Variants in ATF7IP2 observed in about 807,000 individuals in gnomAD.
ATF7IP2 encodes the protein activating transcription factor 7 interacting protein 2.
ATF7IP2 carries 42 observed loss-of-function variants against 64.2 expected under a neutral mutation model. That is an observed-to-expected ratio of 0.65 (90% CI 0.51 to 0.85). ATF7IP2 has a LOEUF of 0.85. ATF7IP2 is among the 40% of genes least tolerant of loss of function. The pLI, the probability that ATF7IP2 is intolerant of heterozygous loss-of-function variation, is 0.00. For missense variants in ATF7IP2, 933 were observed against 784.2 expected (o/e 1.19, Z -2.27); for synonymous variants, 308 against 272.8 (o/e 1.13, Z -1.27).
intron 1 of ATF7IP2, among the ~76,000 whole-genome samples, chr16:10,394,875 G>C (rs2047393847): frequency 6.6e-6 from 1 of 152,014 alleles, no homozygotes; most frequent in Non-Finnish European, 1.5e-5. Context: ...AATTTATAGT[G>C]ATAAATGCTA....
In ATF7IP2 at chr16:10,419,576, C is replaced by A; in HGVS notation, c.-202-5C>A. The A allele has an allele frequency of 6.5e-6, 1 of 153,366 alleles. No individual in the cohort carries two copies. Among genetic ancestry groups the A allele is most frequent in the Non-Finnish European group, 1.5e-5 (1 of 68,398 alleles). The allele number at this position is 153,366 out of a possible 1,614,324, so 9.5% of individuals were successfully genotyped here. ...CATTGTGATTGGTTGTTCCGCTTTC[C>A]TCAGGTTTTCTTCCGCCGTCTGTGA... On this transcript the variant is annotated splice_polypyrimidine_tract_variant and splice_region_variant and intron_variant, in intron 2 of 13. Transcript: ENST00000562102.
chr16:10,450,039 A>G (rs959605169), intron 8 of ATF7IP2, among the ~76,000 whole-genome samples: 1 of 152,182 alleles, frequency 6.6e-6, no homozygotes, highest in Non-Finnish European at 1.5e-5. Context: ...CATTGGTTTC[A>G]AAGAACATCT....
intron 7 of ATF7IP2, among the ~76,000 whole-genome samples, chr16:10,439,436 G>C (rs2048535164): frequency 6.6e-6 from 1 of 150,632 alleles, no homozygotes; most frequent in South Asian, 2.1e-4. Flanking sequence ...GGGTTTCACT[G>C]TATTAGCGTT....
intron 8 of ATF7IP2, chr16:10,445,965 A>G (rs924826012): frequency 6.6e-6 from 1 of 152,364 alleles, no homozygotes; most frequent in Non-Finnish European, 1.5e-5. Context: ...TGGTTCTGCA[A>G]GTGCTTTAGG....
intron 8 of ATF7IP2, chr16:10,446,949 A>C (rs1158053349): frequency 6.7e-6 from 1 of 148,486 alleles, no homozygotes; most frequent in East Asian, 2.0e-4. Flanking sequence ...CCCCCCAACC[A>C]CTGGAGGTTT....
chr16:10,444,609 G>C (rs1172358050), intron 8 of ATF7IP2, among the ~76,000 whole-genome samples: 1 of 152,176 alleles, frequency 6.6e-6, no homozygotes, highest in Non-Finnish European at 1.5e-5. Flanking sequence ...TTTTTGAGGG[G>C]CAGTTTGAAT....
intron 8 of ATF7IP2, chr16:10,446,468 G>A (rs1039980722): frequency 1.3e-5 from 2 of 152,162 alleles, no homozygotes. Context: ...TCTTTAGGGG[G>A]TGAAGGAGTA....
At chr16:10,469,558 A>G (rs1241417681) in intron 9 of ATF7IP2, among the ~76,000 whole-genome samples, 3 of 152,146 alleles carry the variant, frequency 2.0e-5, no homozygotes, top group South Asian at 4.1e-4. Context: ...CAAAAGACAC[A>G]TCACATAGAA....
At chr16:10,460,512 C>A (rs1052181987) in intron 9 of ATF7IP2, among the ~76,000 whole-genome samples, 2 of 152,088 alleles carry the variant, frequency 1.3e-5, no homozygotes, top group African/African-American at 4.8e-5. Context: ...ATGCGCTGGA[C>A]AAATAGACCA....
At chr16:10,445,028 C>T (rs568932699) in intron 8 of ATF7IP2, among the ~76,000 whole-genome samples, 14 of 152,268 alleles carry the variant, frequency 9.2e-5, no homozygotes, top group African/African-American at 2.2e-4. Flanking sequence ...TAGTCCTGGA[C>T]GTCTTCCCGC....
Position 10,473,953 on chromosome 16 carries a change from G to A in ATF7IP2, c.1513G>A (p.Asp505Asn), listed in dbSNP as rs773420170. The A allele has an allele frequency of 1.4e-6, 2 of 1,408,948 alleles. No individual in the cohort carries two copies. 87.3% of individuals were successfully genotyped at this position (1,408,948 alleles called of 1,614,324 possible). A position where few individuals can be genotyped will look rare whatever the true frequency, so the allele number is the denominator to read the frequency against. Residue 505 changes from aspartate to asparagine, a missense_variant, in exon 12 of 14, where the codon GAT (aspartate) becomes AAT (asparagine). Asp to Asn is a conservative substitution (Grantham distance 23). Transcript: ENST00000562102. Reference sequence around the variant, plus strand: ...ACAGAAGAAACTTGATTCTATAATTGATTTGACAAAAGAAGGCCTATCCAA... The same window carrying A: ...ACAGAAGAAACTTGATTCTATAATTAATTTGACAAAAGAAGGCCTATCCAA... ...AVQKKLDSIIDLTKEGLSNCN... is the reference protein window; with the variant it reads ...AVQKKLDSIINLTKEGLSNCN...
intron 8 of ATF7IP2, among the ~76,000 whole-genome samples, chr16:10,443,553 G>A (rs756369378): frequency 7.9e-5 from 12 of 152,166 alleles, no homozygotes; most frequent in Non-Finnish European, 1.5e-4. Context: ...ATTCCATGCA[G>A]GCATTTGCTT....
intron 1 of ATF7IP2, among the ~76,000 whole-genome samples, chr16:10,407,090 A>G (rs1332446834): frequency 1.3e-5 from 2 of 152,224 alleles, no homozygotes; most frequent in South Asian, 2.1e-4. Context: ...CTAGCTATCA[A>G]TGTGATACAT....
At chr16:10,469,770 G>T (rs559899806) in intron 9 of ATF7IP2, among the ~76,000 whole-genome samples, 5 of 151,696 alleles carry the variant, frequency 3.3e-5, no homozygotes, top group African/African-American at 1.2e-4. Flanking sequence ...GCAAAACACC[G>T]TCTCAAAAAA....
At chr16:10,394,251 A>G (rs191436767) in intron 1 of ATF7IP2, among the ~76,000 whole-genome samples, 1 of 152,182 alleles carries the variant, frequency 6.6e-6, no homozygotes, top group Non-Finnish European at 1.5e-5. Flanking sequence ...GCCTATACTG[A>G]TTTCAGACAA....
At chr16:10,439,584 G>A (rs998605171) in intron 7 of ATF7IP2, among the ~76,000 whole-genome samples, 1 of 139,302 alleles carries the variant, frequency 7.2e-6, no homozygotes, top group Non-Finnish European at 1.5e-5. Flanking sequence ...CTAGGCTGGA[G>A]TGCAGTCGTG....
Position 10,432,595 on chromosome 16 carries a change from G to A in ATF7IP2, c.836-930G>A, listed in dbSNP as rs748807266. ...TTAAAGAAAAAAAAAGAAGCCGGGC[G>A]CTGTGCCTAACGAATACAATCCCAG... On this transcript the variant is annotated intron_variant, in intron 5 of 13. Transcript: ENST00000562102. Among the ~76,000 whole-genome samples, 6 of 152,112 alleles carry A rather than the reference G, an allele frequency of 3.9e-5. No individual in the cohort carries two copies. The South Asian group carries it at 6.2e-4, about 16-fold the overall frequency.
chr16:10,416,058 A>G (rs564398898), intron 2 of ATF7IP2, among the ~76,000 whole-genome samples: 2 of 152,322 alleles, frequency 1.3e-5, no homozygotes, highest in African/African-American at 2.4e-5. Context: ...TTAAAAAACT[A>G]AAAATAGAGC....
intron 9 of ATF7IP2, among the ~76,000 whole-genome samples, chr16:10,462,635 AATATACT>A (rs1244154841): frequency 1.3e-5 from 2 of 152,114 alleles, no homozygotes; most frequent in African/African-American, 4.8e-5. Flanking sequence ...GGTTTTCATC[AATATACT>A]ATAAGATGTT....
Sources: allele counts gnomAD v4.1 joint callset (sites outside exome capture counted in the v4.1 genomes callset), GRCh38; gene constraint gnomAD v4.1.1; transcripts MANE v1.5; gene names NCBI Gene and HGNC (gene_info 2026-07-23, HGNC 2026-07-21).